Variants in CNTNAP2 observed in about 807,000 individuals in gnomAD.
The protein encoded by CNTNAP2 is contactin-associated protein-like 2.
In CNTNAP2, 98 loss-of-function variants were observed where a neutral mutation model predicts 155.2. The observed-to-expected ratio is 0.63, with a 90% CI of 0.54 to 0.75. The LOEUF (loss-of-function observed/expected upper bound fraction) is 0.75. Among genes scored for constraint, CNTNAP2 ranks in the 30% least tolerant of loss-of-function variants. The pLI is 0.00. For synonymous variants in CNTNAP2, 651 were observed against 631.2 expected (o/e 1.03, Z -0.47); for missense variants, 1,727 against 1,688.1 (o/e 1.02, Z -0.40).
At chr7:147,816,210 G>T (rs1798263949) in intron 13 of CNTNAP2, among the ~76,000 whole-genome samples, 2 of 152,046 alleles carry the variant, frequency 1.3e-5, no homozygotes, top group Admixed American at 6.6e-5. Flanking sequence ...GCATCTCAAG[G>T]TTTCTGTGGA....
At chr7:146,457,812 T>C (rs1215609969) in intron 1 of CNTNAP2, among the ~76,000 whole-genome samples, 4 of 151,962 alleles carry the variant, frequency 2.6e-5, no homozygotes, top group Non-Finnish European at 5.9e-5. Context: ...CCAAATAATG[T>C]ATTTTTATGT....
intron 9 of CNTNAP2, among the ~76,000 whole-genome samples, chr7:147,329,112 G>C (rs1795510426): frequency 6.6e-6 from 1 of 151,824 alleles, no homozygotes; most frequent in Non-Finnish European, 1.5e-5. Flanking sequence ...TCCAGTGACT[G>C]TTGTCTGGTG....
At chr7:146,148,293 G>A (rs1219027291) in intron 1 of CNTNAP2, among the ~76,000 whole-genome samples, 1 of 152,032 alleles carries the variant, frequency 6.6e-6, no homozygotes, top group African/African-American at 2.4e-5. Context: ...GAAATATATA[G>A]AGTATTTTCT....
At chr7:146,190,472 C>T (rs936575801) in intron 1 of CNTNAP2, among the ~76,000 whole-genome samples, 2 of 152,150 alleles carry the variant, frequency 1.3e-5, no homozygotes, top group East Asian at 3.9e-4. Flanking sequence ...ATCAACAAAC[C>T]ATCTGTGGGC....
chr7:147,984,885 C>T (rs1315733101), intron 15 of CNTNAP2, among the ~76,000 whole-genome samples: 1 of 151,986 alleles, frequency 6.6e-6, no homozygotes, highest in East Asian at 1.9e-4. Context: ...GAGGCTGAGG[C>T]GGATGGATCA....
intron 1 of CNTNAP2, among the ~76,000 whole-genome samples, chr7:146,664,157 CTTTTTTTTT>C (rs35241151): frequency 7.3e-5 from 5 of 68,460 alleles, no homozygotes; most frequent in Admixed American, 3.8e-4. Flanking sequence ...CAATAAATTC[CTTTTTTTTT>C]TTTTTTTTTT....
chr7:146,903,661 C>T (rs1205640353), intron 3 of CNTNAP2, among the ~76,000 whole-genome samples: 6 of 152,092 alleles, frequency 3.9e-5, no homozygotes, highest in African/African-American at 7.2e-5. Flanking sequence ...AAGGAATCAG[C>T]GGATCTCACA....
At chr7:147,142,229 T>G (rs532862656) in intron 8 of CNTNAP2, among the ~76,000 whole-genome samples, 1 of 152,292 alleles carries the variant, frequency 6.6e-6, no homozygotes, top group South Asian at 2.1e-4. Flanking sequence ...ACAGCTCTTA[T>G]TATTTTGAGA....
intron 15 of CNTNAP2, among the ~76,000 whole-genome samples, chr7:148,034,121 T>C (rs1307679647): frequency 1.3e-5 from 2 of 152,308 alleles, no homozygotes; most frequent in African/African-American, 2.4e-5. Context: ...AGATACAAAA[T>C]GCTTTGATAT....
intron 4 of CNTNAP2, among the ~76,000 whole-genome samples, chr7:147,054,205 A>G (rs746167237): frequency 5.9e-5 from 9 of 152,196 alleles, no homozygotes; most frequent in East Asian, 1.9e-4. Flanking sequence ...TGGCCTATCA[A>G]TTATCACCGT....
intron 1 of CNTNAP2, among the ~76,000 whole-genome samples, chr7:146,289,105 GATGAATAC>G (rs1448583339): frequency 2.0e-5 from 3 of 152,122 alleles, no homozygotes; most frequent in African/African-American, 7.2e-5. Context: ...CGCCCTGGCA[GATGAATAC>G]ATCTTATGCC....
At chr7:146,338,948 C>T (rs149810978) in intron 1 of CNTNAP2, among the ~76,000 whole-genome samples, 34 of 151,904 alleles carry the variant, frequency 2.2e-4, no homozygotes, top group African/African-American at 7.2e-4. Context: ...TTTGGGAGGC[C>T]GAGGTGGGTG....
At chr7:147,936,764 T>C (rs1800616934) in intron 14 of CNTNAP2, among the ~76,000 whole-genome samples, 2 of 152,174 alleles carry the variant, frequency 1.3e-5, no homozygotes, top group Non-Finnish European at 2.9e-5. Context: ...TGCTTGACAC[T>C]CAAACACCAA....
At chr7:147,447,066 A>AT (rs1000328300) in intron 10 of CNTNAP2, among the ~76,000 whole-genome samples, 4 of 152,018 alleles carry the variant, frequency 2.6e-5, no homozygotes, top group Non-Finnish European at 5.9e-5. Flanking sequence ...TCAGATTTTT[A>AT]TTTTTTTTAA....
chr7:147,614,028 G>A (rs1801237786), intron 12 of CNTNAP2, among the ~76,000 whole-genome samples: 1 of 151,986 alleles, frequency 6.6e-6, no homozygotes, highest in Non-Finnish European at 1.5e-5. Context: ...CTGACAACAG[G>A]TTGCATTTAT....
At chr7:147,511,341 C>G (rs1001946980) in intron 11 of CNTNAP2, among the ~76,000 whole-genome samples, 3 of 151,866 alleles carry the variant, frequency 2.0e-5, no homozygotes, top group African/African-American at 7.3e-5. Flanking sequence ...TTATCAGCAC[C>G]AAGAATTCAT....
intron 12 of CNTNAP2, among the ~76,000 whole-genome samples, chr7:147,589,543 G>A (rs937799951): frequency 6.6e-6 from 1 of 151,842 alleles, no homozygotes; most frequent in Admixed American, 6.6e-5. Flanking sequence ...ACTTTGCATA[G>A]TTTTATGGCA....
chr7:147,037,503 C>T (rs1799177468), intron 3 of CNTNAP2, among the ~76,000 whole-genome samples: 2 of 137,652 alleles, frequency 1.5e-5, no homozygotes, highest in Admixed American at 1.6e-4. Context: ...CTCTTGTTGT[C>T]CAGGCCAGAG....
At chr7:147,002,132 G>T (rs915792602) in intron 3 of CNTNAP2, among the ~76,000 whole-genome samples, 2 of 151,808 alleles carry the variant, frequency 1.3e-5, no homozygotes, top group African/African-American at 2.4e-5. Context: ...ATTATACAAA[G>T]AGAAACTTTA....
Sources: gnomAD v4.1 joint callset for allele counts (sites outside exome capture counted in the v4.1 genomes callset) on GRCh38, gnomAD v4.1.1 for gene constraint, MANE v1.5 for transcripts, NCBI Gene and HGNC (gene_info 2026-07-23, HGNC 2026-07-21) for gene names.